Variants in MPRIP observed in about 807,000 individuals in gnomAD.
MPRIP encodes the protein myosin phosphatase Rho-interacting protein.
MPRIP carries 59 observed loss-of-function variants against 234.9 expected under a neutral mutation model. That is an observed-to-expected ratio of 0.25 (90% CI 0.20 to 0.31). MPRIP has a LOEUF of 0.31. Ranked by LOEUF, MPRIP falls within the 10% of genes least tolerant of loss-of-function variation. The pLI is 1.00. For missense variants in MPRIP, 2,436 were observed against 3,071.0 expected (o/e 0.79, Z 4.89); for synonymous variants, 1,144 against 1,263.9 (o/e 0.91, Z 2.01).
rs1404652727 is a variant in MPRIP, at chr17:17,189,385, T to TG, written c.*4491_*4492insG. 5 of 152,010 alleles carry TG rather than the reference T, an allele frequency of 3.3e-5. No homozygotes were observed. Among genetic ancestry groups the TG allele is most frequent in the African/African-American group, 1.2e-4 (5 of 41,370 alleles). The allele number at this position is 152,010 out of a possible 1,614,324, so 9.4% of individuals were successfully genotyped here. On this transcript the variant is annotated 3_prime_UTR_variant, in exon 24 of 24. Coordinates refer to ENST00000651222, the MANE Select transcript of MPRIP (RefSeq NM_001364716.4). ...TTTGTATTTTTAGTAGAGACGGGGT[T>TG]TCACCATGTTGGTCAGGATGGTCTC...
chr17:17,055,550 C>T (rs957649659), intron 1 of MPRIP, among the ~76,000 whole-genome samples: 1 of 152,140 alleles, frequency 6.6e-6, no homozygotes, highest in African/African-American at 2.4e-5. Context: ...TTCACCCTTG[C>T]AGGGAAAGGC....
intron 1 of MPRIP, among the ~76,000 whole-genome samples, chr17:17,060,990 G>A (rs1051310231): frequency 6.6e-6 from 1 of 152,242 alleles, no homozygotes; most frequent in Non-Finnish European, 1.5e-5. Flanking sequence ...GTGGTGACCA[G>A]TGTTCGTCGG....
Position 17,138,284 on chromosome 17 carries a change from T to C in MPRIP, c.1105T>C (p.Tyr369His), listed in dbSNP as rs1403053750. ...CTTTGCCTTTAAAGCCAGCAGGCAA[T>C]ATGCCACCCTGGCCGACGTCCCTAA... Reference protein sequence around the residue: ...SAFAFKASRQYATLADVPKAI... With the variant: ...SAFAFKASRQHATLADVPKAI... The change falls in exon 7 of 24, where the codon TAT becomes CAT. Residue 369 changes from tyrosine to histidine, a missense_variant. Around this residue, in one of 4 missense-constraint regions of MPRIP, gnomAD observed 267 missense variants for 252.7 expected, o/e 1.06. Coordinates refer to ENST00000651222, the MANE Select transcript of MPRIP (RefSeq NM_001364716.4). The surrounding 1 kb of genome is among the most constrained non-coding windows in gnomAD (Gnocchi z 5.8). The C allele has an allele frequency of 1.3e-5, 6 of 458,520 alleles. No individual in the cohort carries two copies. Among genetic ancestry groups the C allele is most frequent in the Non-Finnish European group, 2.3e-5 (6 of 262,376 alleles). 28.4% of individuals were successfully genotyped at this position (458,520 alleles called of 1,614,324 possible). A position where few individuals can be genotyped will look rare whatever the true frequency, so the allele number is the denominator to read the frequency against.
chr17:17,158,575 C>G lies in MPRIP; in HGVS notation c.1973C>G (p.Ser658Cys), dbSNP rs946740293. Residue 658 changes from serine (S) to cysteine (C), a missense_variant, in exon 14 of 24, where the codon TCC becomes TGC. Physicochemically the swap from Ser to Cys is moderately radical, Grantham distance 112. Coordinates refer to ENST00000651222, the MANE Select transcript of MPRIP (RefSeq NM_001364716.4). ...CGGGAGCGGAGGCGAGAGGGCCGCT[C>G]CAAGACCTTTGACTGGGCTGAGTTC... ...RARERRREGR[S>C]KTFDWAEFRP... The G allele has an allele frequency of 6.2e-7, 1 of 1,610,224 alleles. No individual in the cohort carries two copies. The highest frequency in any genetic ancestry group is 1.1e-5 in the South Asian group (1 of 90,812).
chr17:17,092,406 A>G (rs543282104), intron 3 of MPRIP, among the ~76,000 whole-genome samples: 3 of 152,260 alleles, frequency 2.0e-5, no homozygotes, highest in Admixed American at 6.5e-5. Context: ...TGATGTGCAG[A>G]ATATGTCATT....
At chr17:17,069,743 G>T (rs948914062) in intron 1 of MPRIP, among the ~76,000 whole-genome samples, 1 of 151,872 alleles carries the variant, frequency 6.6e-6, no homozygotes, top group Non-Finnish European at 1.5e-5. Context: ...CTTCACATAC[G>T]TTTAGAACCA....
chr17:17,059,528 C>T (rs2088808925), intron 1 of MPRIP, among the ~76,000 whole-genome samples: 1 of 152,256 alleles, frequency 6.6e-6, no homozygotes, highest in South Asian at 2.1e-4. Context: ...TCGGCTGTGG[C>T]TGTGTCAGCT....
intron 16 of MPRIP, among the ~76,000 whole-genome samples, chr17:17,170,346 C>G (rs2046106299): frequency 6.6e-6 from 1 of 152,158 alleles, no homozygotes; most frequent in South Asian, 2.1e-4. Flanking sequence ...CTGCAGCCGT[C>G]CTGAGGTGTG....
At chr17:17,168,513 G>A (rs558959788) in intron 16 of MPRIP, 110 of 310,414 alleles carry the variant, frequency 3.5e-4, no homozygotes, top group South Asian at 2.9e-3. Flanking sequence ...CCTTCCCCAG[G>A]ACCTTTACAA....
chr17:17,062,435 T>C (rs552706100), intron 1 of MPRIP, among the ~76,000 whole-genome samples: 1 of 152,218 alleles, frequency 6.6e-6, no homozygotes, highest in Non-Finnish European at 1.5e-5. Context: ...TCTCATCAAC[T>C]CTCAATCTTT....
intron 16 of MPRIP, chr17:17,168,457 T>C (rs2046054443): frequency 3.6e-6 from 1 of 280,776 alleles, no homozygotes; most frequent in Non-Finnish European, 7.0e-6. Flanking sequence ...TGTGCTCTGG[T>C]GAGAAGAACT....
At chr17:17,060,242 G>C (rs1210011461) in intron 1 of MPRIP, among the ~76,000 whole-genome samples, 1 of 152,196 alleles carries the variant, frequency 6.6e-6, no homozygotes, top group African/African-American at 2.4e-5. Context: ...GCCCCACCGG[G>C]TCCCTAAGCC....
chr17:17,061,491 G>A (rs2088866001), intron 1 of MPRIP, among the ~76,000 whole-genome samples: 1 of 152,222 alleles, frequency 6.6e-6, no homozygotes, highest in Admixed American at 6.5e-5. Flanking sequence ...GCCACGGTTT[G>A]CACGCATTCT....
Position 17,075,667 on chromosome 17 carries a change from G to A in MPRIP, c.124-43G>A, listed in dbSNP as rs1340855705. 5 of 1,548,354 alleles carry A rather than the reference G, an allele frequency of 3.2e-6. No homozygotes were observed. In the South Asian group the frequency reaches 5.6e-5, roughly 17 times the overall value. ...TTAACTTGACCTGTTCTCTCTTCTG[G>A]GTTGAAGGCTGCTGGTGACCTGCCC... On this transcript the variant is annotated intron_variant, in intron 1 of 23. Coordinates refer to ENST00000651222, the MANE Select transcript of MPRIP (RefSeq NM_001364716.4).
At chr17:17,099,542 A>C (rs117759512) in intron 3 of MPRIP, among the ~76,000 whole-genome samples, 4,094 of 152,344 alleles carry the variant, frequency 0.027, 108 homozygotes, top group East Asian at 0.12. Context: ...CCTGGGCAAC[A>C]TAGCAAGACC....
chr17:17,055,438 G>A (rs2088663606), intron 1 of MPRIP, among the ~76,000 whole-genome samples: 1 of 152,136 alleles, frequency 6.6e-6, no homozygotes, highest in Non-Finnish European at 1.5e-5. Context: ...TGGCCAGGAC[G>A]TTTCGTGGCC....
At chr17:17,134,153 C>T (rs989818230) in intron 5 of MPRIP, among the ~76,000 whole-genome samples, 1 of 152,258 alleles carries the variant, frequency 6.6e-6, no homozygotes, top group Non-Finnish European at 1.5e-5. Context: ...CTGTCACCCC[C>T]ACTCCAAGTT....
At chr17:17,161,436 G>T in intron 15 of MPRIP, 80 bp downstream of exon 15, 1 of 1,069,546 alleles carries the variant, frequency 9.3e-7, no homozygotes, top group Non-Finnish European at 1.3e-6. Context: ...CAGGCTAGGA[G>T]TGTGCAAAAC....
At chr17:17,045,629 T>C (rs547147911) in intron 1 of MPRIP, among the ~76,000 whole-genome samples, 1 of 152,324 alleles carries the variant, frequency 6.6e-6, no homozygotes, top group East Asian at 1.9e-4. Context: ...GCCTTGAGAA[T>C]GCTGGCTTGG....
Sources: allele counts gnomAD v4.1 joint callset (sites outside exome capture counted in the v4.1 genomes callset), GRCh38; gene constraint gnomAD v4.1.1; regional missense constraint gnomAD v4.1.1; non-coding constraint Gnocchi (gnomAD v3.1); transcripts MANE v1.5; gene names NCBI Gene and HGNC (gene_info 2026-07-23, HGNC 2026-07-21).